Variants in HAS3 observed in about 807,000 individuals in gnomAD.
HAS3 encodes HA synthase 3.
In HAS3, 27 loss-of-function variants were observed where a neutral mutation model predicts 50.3. The observed-to-expected ratio is 0.54, with a 90% CI of 0.40 to 0.74. HAS3 has a LOEUF of 0.74. Among genes scored for constraint, HAS3 ranks in the 30% least tolerant of loss-of-function variants. The probability of loss-of-function intolerance (pLI) is 0.00; values close to 1 mark genes in which losing one functional copy is unlikely to be tolerated. For synonymous variants in HAS3, 339 were observed against 310.9 expected, an observed-to-expected ratio of 1.09 and a Z score of -0.95; for missense variants, 517 against 742.8, an observed-to-expected ratio of 0.70 and a Z score of 3.53.
At chr16:69,113,799 C>T (rs926015276) in intron 3 of HAS3, among the ~76,000 whole-genome samples, 2 of 152,122 alleles carry the variant, frequency 1.3e-5, no homozygotes, top group African/African-American at 4.8e-5. Context: ...TATTTTGAGG[C>T]CATACATCCT....
intron 2 of HAS3, 120 bp downstream of exon 2, chr16:69,110,151 CTT>C: frequency 3.9e-6 from 4 of 1,012,778 alleles, no homozygotes; most frequent in African/African-American, 1.6e-5. Flanking sequence ...CACCTGTGCA[CTT>C]AAGAAGGCAA....
chr16:69,092,457 G>A, the HAS3 span, among the ~76,000 whole-genome samples: 1,498 of 152,118 alleles, frequency 9.8e-3, 7 homozygotes, highest in Non-Finnish European at 0.014. Flanking sequence ...GTAAAAATTA[G>A]CGAGGTGTGG....
At chr16:69,098,157 G>A in the HAS3 span, among the ~76,000 whole-genome samples, 1 of 152,180 alleles carries the variant, frequency 6.6e-6, no homozygotes, top group Non-Finnish European at 1.5e-5. Context: ...GCCGAGGCGG[G>A]AGGATCACGA....
chr16:69,109,888 G>A lies in HAS3; in HGVS notation c.493G>A (p.Ala165Thr). ...TGAGGCAGGCGAGGGTGAGACGGAGGCCAGCCTGCAGGAGGGCATGGACCG... is the reference window on the plus strand; with the variant it reads ...TGAGGCAGGCGAGGGTGAGACGGAGACCAGCCTGCAGGAGGGCATGGACCG... ...FHEAGEGETE[A>T]SLQEGMDRVR... Residue 165 changes from alanine to threonine, a missense_variant, in exon 2 of 4, where the codon GCC becomes ACC. Physicochemically the swap from Ala to Thr is moderately conservative, Grantham distance 58 (BLOSUM62 0). Transcript: ENST00000569188. This position sits in a 1 kb window ranked among gnomAD's most constrained non-coding sequence, Gnocchi z 5.3. 3 of 1,613,892 alleles carry A rather than the reference G, an allele frequency of 1.9e-6. No homozygotes were observed. Among genetic ancestry groups the A allele is most frequent in the Non-Finnish European group, 2.5e-6 (3 of 1,180,038 alleles).
chr16:69,103,627 C>T (rs1281796678), upstream of HAS3, among the ~76,000 whole-genome samples: 2 of 152,044 alleles, frequency 1.3e-5, no homozygotes, highest in Non-Finnish European at 2.9e-5. Context: ...AAACTCCCGA[C>T]CTCAGGTGAT....
chr16:69,099,684 T>C, the HAS3 span, among the ~76,000 whole-genome samples: 15 of 152,252 alleles, frequency 9.9e-5, no homozygotes, highest in African/African-American at 3.1e-4. Context: ...TACATAACGA[T>C]TGTGTCTCCT....
chr16:69,114,830 T>G lies in HAS3; in HGVS notation c.1226T>G (p.Ile409Ser). ...TTCTACCGGGGCCGCATCTGGAACATTCTCCTCTTCCTGCTGACGGTGCAG... is the reference window on the plus strand; with the variant it reads ...TTCTACCGGGGCCGCATCTGGAACAGTCTCCTCTTCCTGCTGACGGTGCAG... ...QLFYRGRIWN[I>S]LLFLLTVQLV... is the part of the protein sequence containing the mutation. Residue 409 changes from isoleucine to serine, a missense_variant, in exon 4 of 4, where the codon ATT (isoleucine) becomes AGT (serine). Transcript: ENST00000569188. The surrounding 1 kb of genome is among the most constrained non-coding windows in gnomAD (Gnocchi z 6.4). 1 of 1,614,112 alleles carries G rather than the reference T, an allele frequency of 6.2e-7. No individual in the cohort carries two copies. Among genetic ancestry groups the G allele is most frequent in the South Asian group, 1.1e-5 (1 of 91,082 alleles).
At chr16:69,088,577 AAAGAC>A in the HAS3 span, among the ~76,000 whole-genome samples, 3 of 151,996 alleles carry the variant, frequency 2.0e-5, no homozygotes, top group South Asian at 2.1e-4. Context: ...AAAAAAAAGA[AAAGAC>A]AAGAAAAAAA....
At chr16:69,097,199 G>A in the HAS3 span, among the ~76,000 whole-genome samples, 5 of 151,854 alleles carry the variant, frequency 3.3e-5, no homozygotes, top group Admixed American at 6.6e-5. Flanking sequence ...CAAACAAGCC[G>A]GGTGTGGTGG....
At position 69,114,022 on chromosome 16, in the gene HAS3, T is replaced by G. The variant is rs1961097552; in HGVS notation, c.739-321T>G. ...AGGACAGGTGGTTGTGGTGGTGTTT[T>G]GCATTCTTCCCAAGCCCCCTTCTCT... On this transcript the variant is annotated intron_variant, in intron 3 of 3. Coordinates refer to ENST00000569188, the MANE Select transcript of HAS3 (RefSeq NM_001199280.2). The surrounding 1 kb of genome is among the most constrained non-coding windows in gnomAD (Gnocchi z 6.4). 6.6e-6 allele frequency among the ~76,000 whole-genome samples: 1 copy of G among 152,192 alleles called. No individual in the cohort carries two copies. The highest frequency in any genetic ancestry group is 1.5e-5 in the Non-Finnish European group (1 of 68,040).
downstream of HAS3, among the ~76,000 whole-genome samples, chr16:69,117,821 G>GTCTT (rs934415221): frequency 3.3e-5 from 5 of 152,066 alleles, no homozygotes; most frequent in East Asian, 1.9e-4. Context: ...AGTGTAGAGG[G>GTCTT]TCTTTGGTGA....
Position 69,114,909 on chromosome 16 carries a change from G to A in HAS3, c.1305G>A (p.Glu435=), listed in dbSNP as rs1318480985. The change falls in exon 4 of 4, where the codon GAG becomes GAA. Residue 435 remains glutamate (E), a synonymous_variant. Coordinates refer to ENST00000569188, the MANE Select transcript of HAS3 (RefSeq NM_001199280.2). The surrounding 1 kb of genome is among the most constrained non-coding windows in gnomAD (Gnocchi z 6.4). ...CCTGCTTCCTTCGGGGCAATGCAGA[G>A]ATGATCTTCATGTCCCTCTACTCCC... The part of the protein sequence containing the change: ...TYACFLRGNA[E]MIFMSLYSLL... 1.2e-5 allele frequency: 19 copies of A among 1,614,144 alleles called. No individual in the cohort carries two copies. Among genetic ancestry groups the A allele is most frequent in the Non-Finnish European group, 1.5e-5 (18 of 1,180,046 alleles).
rs758205342 is a variant in HAS3, at chr16:69,117,395, C to CTAAG, written c.*2131_*2134dup. On this transcript the variant is annotated 3_prime_UTR_variant, in exon 4 of 4. Transcript: ENST00000569188. Reference sequence around the variant, plus strand: ...CAACGTTTGACCTCGACTGGTTTTTCTAAGTTATTTTGTACATTTTTCAGC... The same window carrying CTAAG: ...CAACGTTTGACCTCGACTGGTTTTTCTAAGTAAGTTATTTTGTACATTTTTCAGC... The CTAAG allele has an allele frequency of 1.2e-5, 12 of 985,640 alleles. No homozygotes were observed. The highest frequency in any genetic ancestry group is 9.4e-5 in the South Asian group (2 of 21,294). 61.1% of individuals were successfully genotyped at this position (985,640 alleles called of 1,614,324 possible). A position where few individuals can be genotyped will look rare whatever the true frequency, so the allele number is the denominator to read the frequency against.
chr16:69,116,729 C>A lies in HAS3; in HGVS notation c.*1463C>A. 1.0e-6 allele frequency: 1 copy of A among 985,406 alleles called. No homozygotes were observed. Among genetic ancestry groups the A allele is most frequent in the South Asian group, 4.7e-5 (1 of 21,282 alleles). The allele number at this position is 985,406 out of a possible 1,614,324, so 61.0% of individuals were successfully genotyped here. ...CTGCTTTTGGGGAATGAGGGGAAGC[C>A]ATTTTCCAGTGACTTGCAATCCAGG... On this transcript the variant is annotated 3_prime_UTR_variant, in exon 4 of 4. Transcript: ENST00000569188.
chr16:69,110,322 G>A (rs1960958224), intron 2 of HAS3, among the ~76,000 whole-genome samples: 1 of 152,156 alleles, frequency 6.6e-6, no homozygotes, highest in Non-Finnish European at 1.5e-5. Flanking sequence ...ATGGTGGCAG[G>A]CGCCTGTAGT....
chr16:69,086,729 A>AC, the HAS3 span, among the ~76,000 whole-genome samples: 1 of 151,976 alleles, frequency 6.6e-6, no homozygotes, highest in Non-Finnish European at 1.5e-5. Context: ...ACATGGAGAA[A>AC]CCCCGTCTCT....
upstream of HAS3, among the ~76,000 whole-genome samples, chr16:69,104,991 G>GTTTTTTTT (rs1567576944): frequency 1.1e-5 from 1 of 89,834 alleles, no homozygotes; most frequent in Admixed American, 1.1e-4. Context: ...TCTGTTTTTT[G>GTTTTTTTT]GTTTTTTTTT....
rs941484607 is a variant in HAS3 at position 69,117,230 on chromosome 16, G to C, written c.*1964G>C. The C allele has an allele frequency of 1.2e-5, 12 of 985,708 alleles. No individual in the cohort carries two copies. The highest frequency in any genetic ancestry group is 1.3e-5 in the Non-Finnish European group (11 of 829,906). The allele number at this position is 985,708 out of a possible 1,614,324, so 61.1% of individuals were successfully genotyped here. Reference sequence around the variant, plus strand: ...GTGCAGAGTTCAGACTTCGCTAAGGGCTTGTTTTTCTTCAGCATTTACTTG... The same window carrying C: ...GTGCAGAGTTCAGACTTCGCTAAGGCCTTGTTTTTCTTCAGCATTTACTTG... On this transcript the variant is annotated 3_prime_UTR_variant, in exon 4 of 4. Coordinates refer to ENST00000569188, the MANE Select transcript of HAS3 (RefSeq NM_001199280.2).
chr16:69,116,356 G>A lies in HAS3; in HGVS notation c.*1090G>A. The A allele has an allele frequency of 1.0e-6, 1 of 985,546 alleles. No individual in the cohort carries two copies. The highest frequency in any genetic ancestry group is 1.7e-5 in the African/African-American group (1 of 57,374). The allele number at this position is 985,546 out of a possible 1,614,324, so 61.1% of individuals were successfully genotyped here. Reference sequence around the variant, plus strand: ...TTCTCAGCACATATGGGAACTATGAGGAGCCTCTGATCAAATTGGCTACAA... The same window carrying A: ...TTCTCAGCACATATGGGAACTATGAAGAGCCTCTGATCAAATTGGCTACAA... On this transcript the variant is annotated 3_prime_UTR_variant, in exon 4 of 4. Transcript: ENST00000569188.
Sources: gnomAD v4.1 joint callset for allele counts (sites outside exome capture counted in the v4.1 genomes callset) on GRCh38, gnomAD v4.1.1 for gene constraint, Gnocchi (gnomAD v3.1) non-coding constraint, MANE v1.5 for transcripts, NCBI Gene and HGNC (gene_info 2026-07-23, HGNC 2026-07-21) for gene names.